AFF3: variants seen among roughly 807,000 people sequenced by gnomAD.
The protein encoded by AFF3 is AF4/FMR2 family member 3.
AFF3 carries 32 observed loss-of-function variants against 129.7 expected under a neutral mutation model. The observed-to-expected ratio is 0.25, with a 90% CI of 0.19 to 0.33. The LOEUF is 0.33. AFF3 is among the 10% of genes least tolerant of loss of function. The probability of loss-of-function intolerance (pLI) is 1.00; values close to 1 mark genes in which losing one functional copy is unlikely to be tolerated. For synonymous variants in AFF3, 644 were observed against 635.4 expected, an observed-to-expected ratio of 1.01 and a Z score of -0.20; for missense variants, 1,373 against 1,592.0, an observed-to-expected ratio of 0.86 and a Z score of 2.34.
intron 7 of AFF3, among the ~76,000 whole-genome samples, chr2:99,934,697 C>G (rs1674364240): frequency 6.6e-6 from 1 of 152,214 alleles, no homozygotes; most frequent in South Asian, 2.1e-4. Context: ...GGGGCACTTC[C>G]ACCCTTGCTC....
intron 11 of AFF3, among the ~76,000 whole-genome samples, chr2:99,673,394 G>A (rs574727610): frequency 3.9e-5 from 6 of 152,218 alleles, no homozygotes; most frequent in East Asian, 3.9e-4. Context: ...AGGAGACAGC[G>A]GGGAAGCACG....
At chr2:99,874,824 T>C (rs1692164126) in intron 7 of AFF3, among the ~76,000 whole-genome samples, 1 of 152,176 alleles carries the variant, frequency 6.6e-6, no homozygotes, top group Non-Finnish European at 1.5e-5. Context: ...CTTGTCCTTG[T>C]TCTTAGGAAA....
chr2:99,592,952 G>T (rs1230515775), intron 15 of AFF3, among the ~76,000 whole-genome samples: 7 of 102,574 alleles, frequency 6.8e-5, no homozygotes, highest in Non-Finnish European at 3.8e-5. Flanking sequence ...CCAAAAAAAG[G>T]GATAATAATG....
chr2:99,801,343 T>C (rs1685932394), intron 8 of AFF3, among the ~76,000 whole-genome samples: 1 of 152,180 alleles, frequency 6.6e-6, no homozygotes, highest in South Asian at 2.1e-4. Flanking sequence ...TAGGTTAACT[T>C]TCTTCTCTAA....
chr2:99,552,272 C>G (rs1242697470), intron 24 of AFF3, among the ~76,000 whole-genome samples: 1 of 152,090 alleles, frequency 6.6e-6, no homozygotes, highest in Non-Finnish European at 1.5e-5. Context: ...CACCTGTAAT[C>G]CCAGCTACTC....
intron 11 of AFF3, among the ~76,000 whole-genome samples, chr2:99,725,025 C>A (rs988625235): frequency 2.0e-5 from 3 of 151,842 alleles, no homozygotes; most frequent in Non-Finnish European, 4.4e-5. Flanking sequence ...GGCTGGAGTG[C>A]AGTGGTGCGA....
chr2:100,112,529 A>C (rs1251094940), intron 2 of AFF3: 1 of 142,024 alleles, frequency 7.0e-6, no homozygotes, highest in African/African-American at 2.4e-5. Flanking sequence ...CTGTCCCTAC[A>C]AAAAATAAAA....
chr2:99,999,206 T>C (rs1378222444), intron 7 of AFF3, among the ~76,000 whole-genome samples: 1 of 152,236 alleles, frequency 6.6e-6, no homozygotes. Flanking sequence ...TGATTTATTT[T>C]ATATGTGCTG....
At chr2:99,955,772 T>C (rs1676583617) in intron 7 of AFF3, among the ~76,000 whole-genome samples, 1 of 152,230 alleles carries the variant, frequency 6.6e-6, no homozygotes, top group African/African-American at 2.4e-5. Context: ...GGGACACTGT[T>C]CCATGAAATC....
intron 2 of AFF3, among the ~76,000 whole-genome samples, chr2:100,119,390 C>T (rs1286904475): frequency 1.3e-5 from 2 of 152,194 alleles, no homozygotes; most frequent in Admixed American, 1.3e-4. Context: ...CACTGTTGGG[C>T]ATTTGAAAGC....
At chr2:99,798,764 T>G (rs775833484) in intron 8 of AFF3, among the ~76,000 whole-genome samples, 8 of 152,138 alleles carry the variant, frequency 5.3e-5, no homozygotes, top group Non-Finnish European at 8.8e-5. Context: ...TAAATGCTTA[T>G]GTGCCTAACA....
intron 7 of AFF3, among the ~76,000 whole-genome samples, chr2:99,911,117 C>T (rs1006871232): frequency 2.0e-5 from 3 of 152,200 alleles, no homozygotes; most frequent in African/African-American, 4.8e-5. Flanking sequence ...AGGGTGTGGG[C>T]TTCCTGGGGC....
chr2:100,041,418 G>C (rs1241404294), intron 4 of AFF3, among the ~76,000 whole-genome samples: 1 of 152,174 alleles, frequency 6.6e-6, no homozygotes. Flanking sequence ...AATGTTCTGT[G>C]TTCAGATGAC....
chr2:99,726,409 C>T (rs988837382), intron 11 of AFF3, among the ~76,000 whole-genome samples: 17 of 152,084 alleles, frequency 1.1e-4, no homozygotes, highest in African/African-American at 4.1e-4. Context: ...AAGGAGCAAA[C>T]CTGTTATTGA....
chr2:99,784,605 T>C (rs1200331480), intron 8 of AFF3, among the ~76,000 whole-genome samples: 1 of 152,222 alleles, frequency 6.6e-6, no homozygotes, highest in Non-Finnish European at 1.5e-5. Flanking sequence ...CTTTGCGCAG[T>C]ATTAAGACAT....
intron 7 of AFF3, among the ~76,000 whole-genome samples, chr2:99,928,095 T>C (rs558466652): frequency 2.2e-4 from 34 of 152,314 alleles, no homozygotes; most frequent in Middle Eastern, 3.4e-3. Context: ...GAGGCCTCCC[T>C]AGCCACGTGG....
rs762636277 is a variant in AFF3, at chr2:99,672,175, TTCTCACAC to T, written c.1143+355_1143+362del. Among the ~76,000 whole-genome samples the T allele has an allele frequency of 4.2e-4, 58 of 139,628 alleles. 2 individuals are homozygous for T. Among genetic ancestry groups the T allele is most frequent in the Admixed American group, 2.2e-3 (30 of 13,818 alleles). The allele number at this position is 139,628 out of a possible 152,430, so 91.6% of individuals were successfully genotyped here. A position where few individuals can be genotyped will look rare whatever the true frequency, so the allele number is the denominator to read the frequency against. On this transcript the variant is annotated intron_variant, in intron 12 of 24. Coordinates refer to ENST00000672756, the MANE Select transcript of AFF3 (RefSeq NM_001386135.1). Reference sequence around the variant, plus strand: ...TTTGATCTCCAGAAGGCCAGTTAGCTTCTCACACACACACACACACACACACACACACA... The same window carrying T: ...TTTGATCTCCAGAAGGCCAGTTAGCTACACACACACACACACACACACACA...
chr2:99,924,172 G>A (rs550087525), intron 7 of AFF3, among the ~76,000 whole-genome samples: 11 of 152,222 alleles, frequency 7.2e-5, no homozygotes, highest in East Asian at 5.8e-4. Flanking sequence ...AACAAACTTC[G>A]GTGTTCCACA....
At chr2:99,633,270 T>C (rs530907057) in intron 13 of AFF3, among the ~76,000 whole-genome samples, 1 of 152,176 alleles carries the variant, frequency 6.6e-6, no homozygotes, top group Non-Finnish European at 1.5e-5. Flanking sequence ...AAGCTGGGGT[T>C]TGCTGTCCAT....
Sources: gnomAD v4.1 joint callset for allele counts (sites outside exome capture counted in the v4.1 genomes callset) on GRCh38, gnomAD v4.1.1 for gene constraint, MANE v1.5 for transcripts, NCBI Gene and HGNC (gene_info 2026-07-23, HGNC 2026-07-21) for gene names.